Variants in CHRM3 observed in about 807,000 individuals in gnomAD.
CHRM3 encodes the protein cholinergic receptor muscarinic 3.
In CHRM3, 11 loss-of-function variants were observed where a neutral mutation model predicts 41.8. The ratio of observed to expected loss-of-function variants is 0.26; its 90% CI spans 0.17 to 0.44. The LOEUF is 0.44. Ranked by LOEUF, CHRM3 falls within the 20% of genes least tolerant of loss-of-function variation. CHRM3 has a pLI of 1.00. For missense variants in CHRM3, 571 were observed against 745.4 expected (o/e 0.77, Z 2.72); for synonymous variants, 297 against 301.4 (o/e 0.99, Z 0.15).
intron 6 of CHRM3, among the ~76,000 whole-genome samples, chr1:239,895,730 C>G (rs1009005446): frequency 1.3e-5 from 2 of 152,150 alleles, no homozygotes; most frequent in Non-Finnish European, 2.9e-5. Flanking sequence ...GAAAACCAAA[C>G]ACGGCGTGTT....
intron 1 of CHRM3, among the ~76,000 whole-genome samples, chr1:239,488,714 CAAAAAAAAAAAAAAAAAAAAAA>C (rs763682628): frequency 4.5e-4 from 21 of 46,222 alleles, no homozygotes; most frequent in Admixed American, 3.9e-3. Context: ...GACTCCTTCT[CAAAAAAAAAAAAAAAAAAAAAA>C]AAAAAAAAAA....
At chr1:239,726,402 C>A (rs145868275) in intron 5 of CHRM3, among the ~76,000 whole-genome samples, 1 of 151,940 alleles carries the variant, frequency 6.6e-6, no homozygotes, top group East Asian at 1.9e-4. Context: ...ATTTATTGAT[C>A]ATTTAGTTTT....
intron 5 of CHRM3, chr1:239,704,328 A>G (rs1660946780): frequency 6.6e-6 from 1 of 152,092 alleles, no homozygotes; most frequent in Admixed American, 6.6e-5. Flanking sequence ...TGTGTGAGGA[A>G]TTTTTTCTTT....
At chr1:239,461,820 C>T (rs539921115) in intron 1 of CHRM3, among the ~76,000 whole-genome samples, 1 of 152,148 alleles carries the variant, frequency 6.6e-6, no homozygotes, top group South Asian at 2.1e-4. Flanking sequence ...CTCCTGTCTC[C>T]TCTGGGGACA....
At chr1:239,647,686 A>G (rs1220208361) in intron 4 of CHRM3, among the ~76,000 whole-genome samples, 3 of 152,092 alleles carry the variant, frequency 2.0e-5, no homozygotes, top group African/African-American at 4.8e-5. Context: ...TTTTCATCCT[A>G]TACTTCCAAA....
intron 5 of CHRM3, among the ~76,000 whole-genome samples, chr1:239,735,864 C>G (rs114312556): frequency 0.012 from 1,771 of 152,216 alleles, 31 homozygotes; most frequent in African/African-American, 0.041. Context: ...TGAGACCATA[C>G]AGGAGGGTTT....
intron 4 of CHRM3, among the ~76,000 whole-genome samples, chr1:239,645,316 T>C (rs911597154): frequency 6.6e-6 from 1 of 152,206 alleles, no homozygotes; most frequent in Non-Finnish European, 1.5e-5. Context: ...GGACAATATG[T>C]AGGAAGCCTT....
At chr1:239,855,360 T>A (rs1376583413) in intron 6 of CHRM3, among the ~76,000 whole-genome samples, 3 of 152,188 alleles carry the variant, frequency 2.0e-5, no homozygotes, top group Admixed American at 6.5e-5. Flanking sequence ...AGAATTTACC[T>A]AACTCAGTGT....
At position 239,907,318 on chromosome 1, in the gene CHRM3, T is replaced by C. The variant is rs562217745; in HGVS notation, c.-19-115T>C. 4.2e-6 allele frequency: 3 copies of C among 715,762 alleles called. No homozygotes were observed. In the South Asian group the frequency reaches 5.7e-5, roughly 14 times the overall value. 44.3% of individuals were successfully genotyped at this position (715,762 alleles called of 1,614,324 possible). ...AGAATGAACTTGATGTTTGGCTTCA[T>C]AGAGATTCAGCACCCTGTAATAGGC... On this transcript the variant is annotated intron_variant, in intron 6 of 6. Coordinates refer to ENST00000676153, the MANE Select transcript of CHRM3 (RefSeq NM_001375978.1). The surrounding 1 kb of genome is among the most constrained non-coding windows in gnomAD (Gnocchi z 5.4).
intron 1 of CHRM3, among the ~76,000 whole-genome samples, chr1:239,481,259 T>C (rs535995661): frequency 1.7e-3 from 260 of 151,122 alleles, no homozygotes; most frequent in African/African-American, 5.4e-3. Context: ...TATACACACA[T>C]AAAGAATATC....
intron 6 of CHRM3, among the ~76,000 whole-genome samples, chr1:239,844,623 A>T (rs1002644013): frequency 4.6e-5 from 7 of 152,188 alleles, no homozygotes; most frequent in African/African-American, 1.7e-4. Context: ...GGCCGTTGCT[A>T]ATCTTTACCT....
chr1:239,461,484 G>T (rs943559973), intron 1 of CHRM3, among the ~76,000 whole-genome samples: 1 of 151,886 alleles, frequency 6.6e-6, no homozygotes, highest in African/African-American at 2.4e-5. Flanking sequence ...CTGGTGACTG[G>T]CTTTCTTTCT....
At chr1:239,613,902 C>A (rs1413690159) in intron 3 of CHRM3, among the ~76,000 whole-genome samples, 1 of 152,160 alleles carries the variant, frequency 6.6e-6, no homozygotes, top group Non-Finnish European at 1.5e-5. Context: ...CACTTGTAAT[C>A]CCAGCACTTT....
chr1:239,459,409 T>G (rs140374854), intron 1 of CHRM3, among the ~76,000 whole-genome samples: 248 of 152,282 alleles, frequency 1.6e-3, no homozygotes, highest in African/African-American at 5.7e-3. Flanking sequence ...CCTTCTACCC[T>G]GTCTAAAGGA....
At chr1:239,902,017 T>G (rs545251905) in intron 6 of CHRM3, among the ~76,000 whole-genome samples, 1 of 152,262 alleles carries the variant, frequency 6.6e-6, no homozygotes, top group South Asian at 2.1e-4. Context: ...AGTGTGTAGG[T>G]CAGTATACCA....
rs114633120 is a variant in CHRM3, at chr1:239,871,100, G to A, written c.-19-36333G>A. ...TCACTCCAAACTAGCGACAGAAGACGTTCAAGAAAAGTAGACAGTTGGGCT... is the reference window on the plus strand; with the variant it reads ...TCACTCCAAACTAGCGACAGAAGACATTCAAGAAAAGTAGACAGTTGGGCT... On this transcript the variant is annotated intron_variant, in intron 6 of 6. Transcript: ENST00000676153. Among the ~76,000 whole-genome samples, 200 of 152,196 alleles carry A rather than the reference G, an allele frequency of 1.3e-3. 1 individual carries two copies. The highest frequency in any genetic ancestry group is 4.6e-3 in the African/African-American group (190 of 41,524).
At chr1:239,764,985 C>T (rs1667089544) in intron 5 of CHRM3, among the ~76,000 whole-genome samples, 1 of 152,232 alleles carries the variant, frequency 6.6e-6, no homozygotes, top group African/African-American at 2.4e-5. Flanking sequence ...CTTTTTCCAT[C>T]ATCTACATTT....
intron 5 of CHRM3, among the ~76,000 whole-genome samples, chr1:239,679,948 C>T (rs1230328251): frequency 2.0e-5 from 3 of 152,058 alleles, no homozygotes; most frequent in Non-Finnish European, 4.4e-5. Flanking sequence ...ACTGGTTCTC[C>T]GGCTTCACCG....
In CHRM3 at chr1:239,650,043, T is replaced by A. The variant is rs113068264; in HGVS notation, c.-250+17757T>A. ...TGATCTCAGACAGCCCTCGGTGTCC[T>A]GGTCCTGCTACCTTCCTTCCAGCTG... is the stretch of plus-strand genomic sequence containing the variant. On this transcript the variant is annotated intron_variant, in intron 4 of 6. Coordinates refer to ENST00000676153, the MANE Select transcript of CHRM3 (RefSeq NM_001375978.1). Among the ~76,000 whole-genome samples the A allele has an allele frequency of 5.3e-3, 804 of 152,320 alleles. 6 individuals carry two copies. Among genetic ancestry groups the A allele is most frequent in the African/African-American group, 0.018 (755 of 41,578 alleles).
Sources: gnomAD v4.1 joint callset for allele counts (sites outside exome capture counted in the v4.1 genomes callset) on GRCh38, gnomAD v4.1.1 for gene constraint, Gnocchi (gnomAD v3.1) non-coding constraint, MANE v1.5 for transcripts, NCBI Gene and HGNC (gene_info 2026-07-23, HGNC 2026-07-21) for gene names.